The following IPO7 variants were observed in gnomAD, a reference collection of about 807,000 sequenced individuals.
IPO7 encodes the protein importin-7.
In IPO7, 13 loss-of-function variants were observed where a neutral mutation model predicts 136.4. The ratio of observed to expected loss-of-function variants is 0.10; its 90% CI spans 0.06 to 0.15. The LOEUF is 0.15. Ranked by LOEUF, IPO7 falls within the 10% of genes least tolerant of loss-of-function variation. The pLI, the probability that IPO7 is intolerant of heterozygous loss-of-function variation, is 1.00. For synonymous variants in IPO7, 403 were observed against 404.4 expected (o/e 1.00, Z 0.04); for missense variants, 857 against 1,240.6 (o/e 0.69, Z 4.65).
At chr11:9,393,230 A>G (rs538788905) in intron 1 of IPO7, among the ~76,000 whole-genome samples, 1 of 152,330 alleles carries the variant, frequency 6.6e-6, no homozygotes, top group South Asian at 2.1e-4. Context: ...TATGGGATGG[A>G]CTAGAGGGCT....
At chr11:9,390,561 A>G (rs921737064) in intron 1 of IPO7, among the ~76,000 whole-genome samples, 5 of 152,222 alleles carry the variant, frequency 3.3e-5, no homozygotes, top group African/African-American at 1.2e-4. Context: ...TTCACCAGGA[A>G]TATTTTGAAG....
intron 4 of IPO7, among the ~76,000 whole-genome samples, chr11:9,410,690 GA>G (rs371820774): frequency 2.0e-5 from 3 of 152,212 alleles, no homozygotes; most frequent in African/African-American, 7.2e-5. Context: ...TAGGGATCAG[GA>G]AAAAAAGATC....
In IPO7 at chr11:9,414,403, C is replaced by T. The variant is rs776773651; in HGVS notation, c.628C>T (p.Leu210Phe). The change falls in exon 5 of 25, where the codon CTT becomes TTT. Residue 210 changes from leucine to phenylalanine, a missense_variant. Physicochemically the swap from Leu to Phe is conservative, Grantham distance 22 (BLOSUM62 0). Transcript: ENST00000379719. ...QKQIFKIFYA[L>F]VQYTLPLELI... is the part of the protein sequence containing the mutation. ...ACAGATATTCAAGATCTTCTATGCT[C>T]TTGTTCAGGTAATATCTGTGAAGCA... The T allele has an allele frequency of 6.2e-7, 1 of 1,600,312 alleles. No individual in the cohort carries two copies. The highest frequency in any genetic ancestry group is 1.1e-5 in the South Asian group (1 of 88,554).
intron 6 of IPO7, among the ~76,000 whole-genome samples, chr11:9,419,488 C>G (rs911693634): frequency 4.0e-4 from 59 of 145,960 alleles, no homozygotes; most frequent in African/African-American, 1.5e-3. Context: ...GCAGAGGTTG[C>G]AGTGAGCCGA....
Position 9,416,247 on chromosome 11 carries a change from T to G in IPO7, c.637-812T>G, listed in dbSNP as rs529979105. Among the ~76,000 whole-genome samples the G allele has an allele frequency of 3.9e-5, 6 of 152,318 alleles. No individual in the cohort carries two copies. The South Asian group carries it at 1.2e-3, about 32-fold the overall frequency. ...TGCCTAACTCTATTCCTTGGTTGGA[T>G]TTTGCATGTCTTTGCTAGATCTTTA... is the stretch of plus-strand genomic sequence containing the variant. On this transcript the variant is annotated intron_variant, in intron 5 of 24. Transcript: ENST00000379719.
chr11:9,423,991 G>T, intron 10 of IPO7, 115 bp downstream of exon 10: 2 of 601,078 alleles, frequency 3.3e-6, no homozygotes, highest in East Asian at 2.8e-5. Context: ...TAATGTAATT[G>T]ATCCCTTGTG....
intron 1 of IPO7, among the ~76,000 whole-genome samples, chr11:9,390,687 G>A (rs1173456291): frequency 6.6e-6 from 1 of 152,094 alleles, no homozygotes. Context: ...AGTGGCTCAC[G>A]CCTGTAATCC....
intron 1 of IPO7, among the ~76,000 whole-genome samples, chr11:9,401,031 A>C (rs1854787146): frequency 6.6e-6 from 1 of 152,000 alleles, no homozygotes; most frequent in Non-Finnish European, 1.5e-5. Context: ...AAATACAAAA[A>C]TTAGCTGGGC....
At chr11:9,430,158 C>G (rs1189882659) in intron 15 of IPO7, among the ~76,000 whole-genome samples, 1 of 152,154 alleles carries the variant, frequency 6.6e-6, no homozygotes, top group Non-Finnish European at 1.5e-5. Flanking sequence ...TTATCTACTG[C>G]TCCTAACAGG....
rs1173582000 is a variant in IPO7, at chr11:9,447,014, T to C, written c.*1820T>C. 1 of 152,148 alleles carries C rather than the reference T, an allele frequency of 6.6e-6. No homozygotes were observed. Among genetic ancestry groups the C allele is most frequent in the Admixed American group, 6.6e-5 (1 of 15,260 alleles). The allele number at this position is 152,148 out of a possible 1,614,324, so 9.4% of individuals were successfully genotyped here. On this transcript the variant is annotated 3_prime_UTR_variant, in exon 25 of 25. Transcript: ENST00000379719. ...AGGTTGCTTAAAGGGATTTCACTAT[T>C]ATATAAAGTCAATAAAAATGAAGTA...
At chr11:9,409,881 C>A (rs1370992503) in intron 3 of IPO7, 47 bp from the exon 4 acceptor site, 4 of 1,425,342 alleles carry the variant, frequency 2.8e-6, no homozygotes, top group Non-Finnish European at 1.9e-6. Context: ...TTAGCAAAAT[C>A]TTACCTAGTT....
chr11:9,400,497 C>T (rs1459596007), intron 1 of IPO7, among the ~76,000 whole-genome samples: 1 of 152,046 alleles, frequency 6.6e-6, no homozygotes, highest in Admixed American at 6.5e-5. Context: ...TCTCGGCTCA[C>T]TGCAGGCTCC....
intron 1 of IPO7, among the ~76,000 whole-genome samples, chr11:9,397,341 A>AAAAAAAAATATATATATATATATATATAC: frequency 9.3e-5 from 1 of 10,762 alleles, no homozygotes; most frequent in Non-Finnish European, 1.8e-4. Flanking sequence ...TTTAAAAAAA[A>AAAAAAAAATATATATATATATATATATAC]ATATATATAT....
chr11:9,400,015 G>A (rs146392263), intron 1 of IPO7, among the ~76,000 whole-genome samples: 3,373 of 152,306 alleles, frequency 0.022, 68 homozygotes, highest in Middle Eastern at 0.054. Context: ...ATTCATGGAT[G>A]CTGAAGTCCC....
intron 1 of IPO7, chr11:9,402,944 C>T (rs1213255973): frequency 8.1e-6 from 2 of 245,626 alleles, no homozygotes; most frequent in East Asian, 1.5e-4. Context: ...TCGCTTGAAC[C>T]TGGGGAGGCG....
chr11:9,428,952 C>T (rs752135200), intron 13 of IPO7, 79 bp from the exon 14 acceptor site: 4 of 1,304,608 alleles, frequency 3.1e-6, no homozygotes, highest in Admixed American at 1.7e-5. Flanking sequence ...TTCCCACACA[C>T]AGAACTCAGG....
At chr11:9,442,047 A>T (rs372742814) in intron 23 of IPO7, 34 bp from the exon 24 acceptor site, 5 of 999,446 alleles carry the variant, frequency 5.0e-6, no homozygotes. Context: ...TCTCTTATTC[A>T]TGTTGTTTTT....
At chr11:9,391,441 C>T (rs1256788506) in intron 1 of IPO7, among the ~76,000 whole-genome samples, 1 of 151,704 alleles carries the variant, frequency 6.6e-6, no homozygotes. Flanking sequence ...GGCATGGTGG[C>T]TCACGCCTGT....
intron 1 of IPO7, among the ~76,000 whole-genome samples, chr11:9,397,356 ATATAT>A (rs1393521980): frequency 3.1e-5 from 2 of 64,514 alleles, no homozygotes; most frequent in East Asian, 9.8e-4. Context: ...ATATATATAT[ATATAT>A]ATATTAGTCG....
Sources: allele counts gnomAD v4.1 joint callset (sites outside exome capture counted in the v4.1 genomes callset), GRCh38; gene constraint gnomAD v4.1.1; transcripts MANE v1.5; gene names NCBI Gene and HGNC (gene_info 2026-07-23, HGNC 2026-07-21).